TSPEAR: variants seen among roughly 807,000 people sequenced by gnomAD.
TSPEAR encodes the protein thrombospondin-type laminin G domain and EAR repeat-containing protein.
Under a neutral mutation model 71.6 loss-of-function variants are expected in TSPEAR, and 69 were observed. The ratio of observed to expected loss-of-function variants is 0.96; its 90% CI spans 0.79 to 1.18. The LOEUF is 1.18. Among genes scored for constraint, TSPEAR ranks in the 50% most tolerant of loss-of-function variants. The probability of loss-of-function intolerance (pLI) is 0.00; values close to 1 mark genes in which losing one functional copy is unlikely to be tolerated. For synonymous variants in TSPEAR, 402 were observed against 387.2 expected (o/e 1.04, Z -0.45); for missense variants, 971 against 894.9 (o/e 1.09, Z -1.09).
rs1336444543 is a variant in TSPEAR at position 44,520,887 on chromosome 21, G to C, written c.1566+996C>G. ...CTGGCAAGGCCTGACTGTTGTCACT[G>C]TTTTTCCAGACTCCCTGATGGGGGC... On this transcript the variant is annotated intron_variant, in intron 9 of 11. Coordinates refer to ENST00000323084, the MANE Select transcript of TSPEAR (RefSeq NM_144991.3). The surrounding 1 kb of genome is among the most constrained non-coding windows in gnomAD (Gnocchi z 4.2). 6.6e-6 allele frequency: 1 copy of C among 152,324 alleles called. No individual in the cohort carries two copies. The highest frequency in any genetic ancestry group is 2.4e-5 in the African/African-American group (1 of 41,478). The allele number at this position is 152,324 out of a possible 1,614,324, so 9.4% of individuals were successfully genotyped here.
chr21:44,613,086 C>T lies in TSPEAR; in HGVS notation c.83-45081G>A, dbSNP rs587621473. Reference sequence around the variant, plus strand: ...GCTCTTGCCTTCCAGCAGGTGCCCACCTGCCTGCTGGGTCCCCTGTCCTCC... The same window carrying T: ...GCTCTTGCCTTCCAGCAGGTGCCCATCTGCCTGCTGGGTCCCCTGTCCTCC... On this transcript the variant is annotated intron_variant, in intron 1 of 11. Coordinates refer to ENST00000323084, the MANE Select transcript of TSPEAR (RefSeq NM_144991.3). The T allele has an allele frequency of 3.0e-4, 217 of 733,104 alleles. No individual in the cohort carries two copies. The African/African-American group carries it at 3.5e-3, about 12-fold the overall frequency. The allele number at this position is 733,104 out of a possible 1,614,324, so 45.4% of individuals were successfully genotyped here. A position where few individuals can be genotyped will look rare whatever the true frequency, so the allele number is the denominator to read the frequency against.
chr21:44,594,848 A>C (rs1290547175), intron 1 of TSPEAR, among the ~76,000 whole-genome samples: 1 of 118,168 alleles, frequency 8.5e-6, no homozygotes, highest in Middle Eastern at 4.6e-3. Flanking sequence ...TTTGAGATGC[A>C]GTCTCACTCT....
At chr21:44,675,272 T>C (rs1986255485) in intron 1 of TSPEAR, among the ~76,000 whole-genome samples, 1 of 152,140 alleles carries the variant, frequency 6.6e-6, no homozygotes, top group African/African-American at 2.4e-5. Flanking sequence ...TGATTCAACA[T>C]ACACAAATCA....
intron 1 of TSPEAR, among the ~76,000 whole-genome samples, chr21:44,610,943 T>C (rs1555930720): frequency 6.6e-6 from 1 of 152,236 alleles, no homozygotes; most frequent in East Asian, 1.9e-4. Context: ...TAAAATCCCT[T>C]TGTTTTGGCC....
At chr21:44,589,464 CTG>C (rs1979605585) in intron 1 of TSPEAR, among the ~76,000 whole-genome samples, 1 of 152,228 alleles carries the variant, frequency 6.6e-6, no homozygotes, top group South Asian at 2.1e-4. Context: ...GCGCACAAAT[CTG>C]TGTGTGGACA....
chr21:44,599,824 G>A (rs1222293288), intron 1 of TSPEAR, among the ~76,000 whole-genome samples: 2 of 152,258 alleles, frequency 1.3e-5, no homozygotes, highest in Non-Finnish European at 2.9e-5. Context: ...CGAAAGCAGT[G>A]CTTGCTGCTT....
intron 1 of TSPEAR, among the ~76,000 whole-genome samples, chr21:44,681,247 C>T (rs1218701729): frequency 6.6e-6 from 1 of 152,360 alleles, no homozygotes; most frequent in Middle Eastern, 3.4e-3. Flanking sequence ...CCACCAACCA[C>T]ATGGGAAAGC....
rs1987707998 is a variant in TSPEAR, at chr21:44,702,565, T to C, written c.82+8868A>G. 9 of 1,609,362 alleles carry C rather than the reference T, an allele frequency of 5.6e-6. No individual in the cohort carries two copies. The East Asian group carries it at 2.0e-4, about 36-fold the overall frequency. The stretch of plus-strand genomic sequence containing the variant: ...CTCCCTGTGCTGCCAGCAGTCTAGC[T>C]GCCAGCCGGCTTGCTGCACTTCCTC... On this transcript the variant is annotated intron_variant, in intron 1 of 11. Coordinates refer to ENST00000323084, the MANE Select transcript of TSPEAR (RefSeq NM_144991.3).
At chr21:44,610,505 G>T (rs1343162836) in intron 1 of TSPEAR, among the ~76,000 whole-genome samples, 2 of 152,236 alleles carry the variant, frequency 1.3e-5, no homozygotes, top group African/African-American at 4.8e-5. Context: ...GATTTCAGAA[G>T]ATATATGGAA....
chr21:44,605,907 T>C (rs1981272839), intron 1 of TSPEAR, among the ~76,000 whole-genome samples: 2 of 152,106 alleles, frequency 1.3e-5, no homozygotes, highest in South Asian at 4.1e-4. Flanking sequence ...ATTCCTTGAA[T>C]AGGACCCCAA....
At chr21:44,690,111 A>C (rs1987063883) in intron 1 of TSPEAR, among the ~76,000 whole-genome samples, 1 of 152,080 alleles carries the variant, frequency 6.6e-6, no homozygotes, top group Non-Finnish European at 1.5e-5. Context: ...GTTGACACTC[A>C]GTATTAACCA....
At chr21:44,504,100 T>TG (rs2052126669) in intron 11 of TSPEAR, among the ~76,000 whole-genome samples, 1 of 51,246 alleles carries the variant, frequency 2.0e-5, no homozygotes, top group Non-Finnish European at 3.8e-5. Flanking sequence ...GAGCCCACAG[T>TG]GGGGAAGCAA....
chr21:44,638,475 C>T, intron 1 of TSPEAR: 1 of 380,220 alleles, frequency 2.6e-6, no homozygotes, highest in East Asian at 4.8e-5. Flanking sequence ...TGTCTGTGGA[C>T]CCCCGGGGGG....
intron 2 of TSPEAR, among the ~76,000 whole-genome samples, chr21:44,560,105 A>G (rs1183006514): frequency 6.6e-6 from 1 of 152,220 alleles, no homozygotes; most frequent in African/African-American, 2.4e-5. Flanking sequence ...ACTTGCAAAG[A>G]CACACATAGG....
At chr21:44,557,806 C>T in intron 2 of TSPEAR, 1 of 566,528 alleles carries the variant, frequency 1.8e-6, no homozygotes. Flanking sequence ...ACATTGGTGA[C>T]TTTATTTGTT....
At position 44,699,910 on chromosome 21, in the gene TSPEAR, G is replaced by A. The variant is rs991978028; in HGVS notation, c.82+11523C>T. On this transcript the variant is annotated intron_variant, in intron 1 of 11. Transcript: ENST00000323084. ...GGCTGGGGCAGCTGGACTCCACCCC[G>A]TCCCCCGCCCTGCCCTGGCCCTGCC... Among the ~76,000 whole-genome samples the A allele has an allele frequency of 1.6e-4, 24 of 152,134 alleles. No individual in the cohort carries two copies. The East Asian group carries it at 3.9e-3, about 25-fold the overall frequency.
chr21:44,609,202 G>A (rs587604002), intron 1 of TSPEAR, among the ~76,000 whole-genome samples: 1 of 152,300 alleles, frequency 6.6e-6, no homozygotes, highest in South Asian at 2.1e-4. Flanking sequence ...CTAACAAAGA[G>A]ATAGCATAAG....
chr21:44,539,290 T>C (rs1381719997), intron 2 of TSPEAR: 2 of 1,605,964 alleles, frequency 1.2e-6, no homozygotes, highest in African/African-American at 1.3e-5. Flanking sequence ...ACTCCTGGCC[T>C]GAGCAGAGGC....
rs1434300810 is a variant in TSPEAR at position 44,623,887 on chromosome 21, G to A, written c.83-55882C>T. On this transcript the variant is annotated intron_variant, in intron 1 of 11. Transcript: ENST00000323084. The surrounding 1 kb of genome is among the most constrained non-coding windows in gnomAD (Gnocchi z 4.5). ...TTCAGCCCCAATATGCACAGGCATGGTTTCCTTTGTATTCACCTTGCTAAA... is the reference window on the plus strand; with the variant it reads ...TTCAGCCCCAATATGCACAGGCATGATTTCCTTTGTATTCACCTTGCTAAA... 1.3e-5 allele frequency among the ~76,000 whole-genome samples: 2 copies of A among 152,096 alleles called. No homozygotes were observed. Among genetic ancestry groups the A allele is most frequent in the Non-Finnish European group, 2.9e-5 (2 of 68,028 alleles).
Sources: gnomAD v4.1 joint callset for allele counts (sites outside exome capture counted in the v4.1 genomes callset) on GRCh38, gnomAD v4.1.1 for gene constraint, Gnocchi (gnomAD v3.1) non-coding constraint, MANE v1.5 for transcripts, NCBI Gene and HGNC (gene_info 2026-07-23, HGNC 2026-07-21) for gene names.